Variants in GOLM2 observed in about 807,000 individuals in gnomAD.
GOLM2 encodes the protein protein GOLM2.
A neutral mutation model predicts 55.9 loss-of-function variants in GOLM2; 26 were observed. The observed-to-expected ratio is 0.47, with a 90% CI of 0.34 to 0.65. GOLM2 has a LOEUF of 0.65. Among genes scored for constraint, GOLM2 ranks in the 30% least tolerant of loss-of-function variants. The probability of loss-of-function intolerance (pLI) is 0.01; values close to 1 mark genes in which losing one functional copy is unlikely to be tolerated. For synonymous variants in GOLM2, 165 were observed against 194.6 expected (o/e 0.85, Z 1.27); for missense variants, 486 against 531.8 (o/e 0.91, Z 0.85).
intron 1 of GOLM2, among the ~76,000 whole-genome samples, chr15:44,319,397 T>A (rs945594003): frequency 4.0e-5 from 6 of 151,826 alleles, no homozygotes; most frequent in African/African-American, 1.5e-4. Context: ...ATTTATTTAT[T>A]TTTTATTAGA....
At chr15:44,313,836 C>A (rs1444728921) in intron 1 of GOLM2, among the ~76,000 whole-genome samples, 4 of 151,990 alleles carry the variant, frequency 2.6e-5, no homozygotes, top group African/African-American at 9.7e-5. Context: ...TGAATAAGCA[C>A]CACAATAAAA....
intron 8 of GOLM2, among the ~76,000 whole-genome samples, chr15:44,392,819 T>C (rs896415593): frequency 3.3e-5 from 5 of 152,196 alleles, no homozygotes; most frequent in Non-Finnish European, 1.5e-5. Flanking sequence ...AGTGAGCATT[T>C]GAGGAAATTC....
At chr15:44,341,691 A>ATTTTTTTTT (rs752182459) in intron 6 of GOLM2, among the ~76,000 whole-genome samples, 1 of 120,872 alleles carries the variant, frequency 8.3e-6, no homozygotes, top group Non-Finnish European at 1.7e-5. Context: ...ATTTTATTAG[A>ATTTTTTTTT]TTTTTTTTTT....
chr15:44,388,101 C>A (rs909479293), intron 8 of GOLM2, among the ~76,000 whole-genome samples: 1 of 150,408 alleles, frequency 6.6e-6, no homozygotes, highest in African/African-American at 2.4e-5. Flanking sequence ...TATGGTAAAA[C>A]CCCATCTCTA....
At chr15:44,395,710 C>G (rs772736669) in intron 8 of GOLM2, among the ~76,000 whole-genome samples, 8 of 151,576 alleles carry the variant, frequency 5.3e-5, no homozygotes, top group East Asian at 3.9e-4. Flanking sequence ...TGTGGTGGTA[C>G]GCGCCTGTAG....
At chr15:44,313,954 G>C (rs1487355007) in intron 1 of GOLM2, among the ~76,000 whole-genome samples, 1 of 152,048 alleles carries the variant, frequency 6.6e-6, no homozygotes, top group Non-Finnish European at 1.5e-5. Context: ...AATGTAACTG[G>C]GGGCCAGGCG....
chr15:44,378,051 A>T (rs1336962783), intron 6 of GOLM2, among the ~76,000 whole-genome samples: 2 of 149,120 alleles, frequency 1.3e-5, no homozygotes, highest in African/African-American at 4.9e-5. Flanking sequence ...TTATTTATTT[A>T]TTTATTTATT....
intron 2 of GOLM2, among the ~76,000 whole-genome samples, chr15:44,325,442 G>A (rs2078974810): frequency 6.6e-6 from 1 of 152,082 alleles, no homozygotes; most frequent in African/African-American, 2.4e-5. Flanking sequence ...GCTTTGTGGG[G>A]GGACAGAGAA....
At chr15:44,298,430 A>ATTT (rs1233048546) in intron 1 of GOLM2, among the ~76,000 whole-genome samples, 2 of 133,164 alleles carry the variant, frequency 1.5e-5, no homozygotes, top group Non-Finnish European at 3.2e-5. Flanking sequence ...TGGCCGGCTA[A>ATTT]TTTTTTTTTT....
At chr15:44,410,397 C>T (rs2079630067) in intron 9 of GOLM2, among the ~76,000 whole-genome samples, 1 of 152,220 alleles carries the variant, frequency 6.6e-6, no homozygotes, top group African/African-American at 2.4e-5. Context: ...CGCCACTGCG[C>T]TCCAGCCTGG....
At chr15:44,324,674 A>T (rs896026026) in intron 2 of GOLM2, among the ~76,000 whole-genome samples, 10 of 152,096 alleles carry the variant, frequency 6.6e-5, no homozygotes, top group Non-Finnish European at 1.3e-4. Flanking sequence ...CTACTATCAG[A>T]TTTATTTTGA....
intron 6 of GOLM2, among the ~76,000 whole-genome samples, chr15:44,364,521 G>C (rs750807664): frequency 6.0e-5 from 9 of 151,238 alleles, no homozygotes; most frequent in African/African-American, 2.2e-4. Flanking sequence ...GGGTGACAGC[G>C]CAAGACTCCA....
Position 44,380,698 on chromosome 15 carries a change from A to G in GOLM2, c.902-108A>G, listed in dbSNP as rs147410900. Reference sequence around the variant, plus strand: ...AAAAAAAAAGCTTTGTGGCTACCCAATGTTAAACAATAGTGTGTCTTAGCT... The same window carrying G: ...AAAAAAAAAGCTTTGTGGCTACCCAGTGTTAAACAATAGTGTGTCTTAGCT... On this transcript the variant is annotated intron_variant, in intron 7 of 9. Transcript: ENST00000299957. The G allele has an allele frequency of 2.6e-4, 191 of 734,020 alleles. No homozygotes were observed. In the East Asian group the frequency reaches 5.0e-3, roughly 19 times the overall value. The allele number at this position is 734,020 out of a possible 1,614,324, so 45.5% of individuals were successfully genotyped here. A position where few individuals can be genotyped will look rare whatever the true frequency, so the allele number is the denominator to read the frequency against.
rs761958429 is a variant in GOLM2, at chr15:44,337,951, G to A, written c.721+44G>A. 14 of 1,513,990 alleles carry A rather than the reference G, an allele frequency of 9.2e-6. No individual in the cohort carries two copies. In the Admixed American group the frequency reaches 1.6e-4, roughly 18 times the overall value. The allele number at this position is 1,513,990 out of a possible 1,614,324, so 93.8% of individuals were successfully genotyped here. On this transcript the variant is annotated intron_variant, in intron 5 of 9. Transcript: ENST00000299957. Reference sequence around the variant, plus strand: ...TTTTGTTTTGTATTAATAGGATATTGACTTTTTCTTCCCATTTTGAAGTGG... The same window carrying A: ...TTTTGTTTTGTATTAATAGGATATTAACTTTTTCTTCCCATTTTGAAGTGG...
intron 1 of GOLM2, among the ~76,000 whole-genome samples, chr15:44,292,541 A>G (rs1431238291): frequency 6.6e-6 from 1 of 151,936 alleles, no homozygotes; most frequent in Non-Finnish European, 1.5e-5. Context: ...AGTTTTGTAG[A>G]GATAGGGTGT....
chr15:44,344,905 G>A, intron 6 of GOLM2, among the ~76,000 whole-genome samples: 1 of 149,600 alleles, frequency 6.7e-6, no homozygotes, highest in African/African-American at 2.5e-5. Flanking sequence ...AGCCTCCTGA[G>A]TAGCTGGGAC....
At chr15:44,387,350 A>C (rs1309454418) in intron 8 of GOLM2, 1 of 152,162 alleles carries the variant, frequency 6.6e-6, no homozygotes, top group Non-Finnish European at 1.5e-5. Context: ...CTTTTAGTGC[A>C]CAAGTCTTGT....
intron 9 of GOLM2, among the ~76,000 whole-genome samples, chr15:44,404,004 T>G (rs2079582433): frequency 6.6e-6 from 1 of 152,208 alleles, no homozygotes; most frequent in Non-Finnish European, 1.5e-5. Context: ...AGAATCTACC[T>G]GTGTGCATGC....
chr15:44,320,292 A>G (rs147527537), intron 1 of GOLM2, among the ~76,000 whole-genome samples: 301 of 152,104 alleles, frequency 2.0e-3, no homozygotes, highest in African/African-American at 6.8e-3. Flanking sequence ...TATCAACATT[A>G]TATTTCATTA....
Sources: allele counts gnomAD v4.1 joint callset (sites outside exome capture counted in the v4.1 genomes callset), GRCh38; gene constraint gnomAD v4.1.1; transcripts MANE v1.5; gene names NCBI Gene and HGNC (gene_info 2026-07-23, HGNC 2026-07-21).